The following TCAIM variants were observed in gnomAD, a reference collection of about 807,000 sequenced individuals.
The protein encoded by TCAIM is T cell activation inhibitor, mitochondrial.
In TCAIM, 36 loss-of-function variants were observed where a neutral mutation model predicts 58.6. The ratio of observed to expected loss-of-function variants is 0.61; its 90% CI spans 0.47 to 0.81. The LOEUF is 0.81. Ranked by LOEUF, TCAIM falls within the 30% of genes least tolerant of loss-of-function variation. The probability of loss-of-function intolerance (pLI) is 0.00; values close to 1 mark genes in which losing one functional copy is unlikely to be tolerated. For synonymous variants in TCAIM, 172 were observed against 193.6 expected (o/e 0.89, Z 0.93); for missense variants, 466 against 579.6 (o/e 0.80, Z 2.01).
chr3:44,368,143 AG>A (rs566214856), intron 5 of TCAIM, among the ~76,000 whole-genome samples: 42 of 152,340 alleles, frequency 2.8e-4, no homozygotes, highest in African/African-American at 1.0e-3. Context: ...TCCATACATA[AG>A]AAAAATACAT....
chr3:44,398,678 C>A (rs750961708), intron 8 of TCAIM, among the ~76,000 whole-genome samples: 5 of 152,186 alleles, frequency 3.3e-5, no homozygotes, highest in Non-Finnish European at 5.9e-5. Flanking sequence ...ACCCAGCAGT[C>A]ACCCTTGGGT....
chr3:44,361,588 C>A, intron 4 of TCAIM, 70 bp downstream of exon 4: 1 of 1,342,820 alleles, frequency 7.4e-7, no homozygotes, highest in Non-Finnish European at 9.8e-7. Context: ...TTTGACATTG[C>A]CAGAATACCT....
chr3:44,370,034 C>G (rs1701439338), intron 5 of TCAIM, among the ~76,000 whole-genome samples: 1 of 152,142 alleles, frequency 6.6e-6, no homozygotes, highest in Admixed American at 6.6e-5. Context: ...GTGAAAGATA[C>G]ATTGTCTTAA....
chr3:44,348,987 G>C (rs1187635149), intron 1 of TCAIM, among the ~76,000 whole-genome samples: 1 of 152,138 alleles, frequency 6.6e-6, no homozygotes, highest in Non-Finnish European at 1.5e-5. Context: ...CTGTAAGCTG[G>C]ACCAGGGGTG....
At chr3:44,364,344 T>C (rs576713720) in intron 4 of TCAIM, among the ~76,000 whole-genome samples, 84 of 152,182 alleles carry the variant, frequency 5.5e-4, no homozygotes, top group Middle Eastern at 3.4e-3. Flanking sequence ...TAAAGAGTTT[T>C]TACAAATTAA....
rs1231272592 is a variant in TCAIM, at chr3:44,409,313, A to G, written c.*1631A>G. On this transcript the variant is annotated 3_prime_UTR_variant, in exon 11 of 11. Transcript: ENST00000342649. ...GGGAGTGAAAAATTCCTTAAGTGTT[A>G]TATAAGAAAATATATTAGAAAATCA... 6.6e-6 allele frequency: 1 copy of G among 152,210 alleles called. No homozygotes were observed. Among genetic ancestry groups the G allele is most frequent in the Non-Finnish European group, 1.5e-5 (1 of 68,040 alleles). 9.4% of individuals were successfully genotyped at this position (152,210 alleles called of 1,614,324 possible).
At chr3:44,398,435 G>A (rs758228376) in intron 8 of TCAIM, among the ~76,000 whole-genome samples, 7 of 144,324 alleles carry the variant, frequency 4.9e-5, no homozygotes, top group Non-Finnish European at 1.1e-4. Flanking sequence ...GTCTCAAATA[G>A]ATACAAAGAT....
rs534011514 is a variant in TCAIM at position 44,377,660 on chromosome 3, A to G, written c.572+9952A>G. ...TCTCAATAGATTTCAAAAGATAAAT[A>G]TACAGAGTATCTTCTCTGACCAAAA... On this transcript the variant is annotated intron_variant, in intron 5 of 10. Coordinates refer to ENST00000342649, the MANE Select transcript of TCAIM (RefSeq NM_173826.4). 8.5e-5 allele frequency among the ~76,000 whole-genome samples: 13 copies of G among 152,342 alleles called. No homozygotes were observed. The South Asian group carries it at 2.7e-3, about 32-fold the overall frequency.
intron 10 of TCAIM, among the ~76,000 whole-genome samples, chr3:44,402,755 G>A (rs149862998): frequency 6.6e-6 from 1 of 152,226 alleles, no homozygotes; most frequent in East Asian, 1.9e-4. Context: ...CACCCTGGTA[G>A]CATAGGGGAC....
chr3:44,405,163 G>A lies in TCAIM; in HGVS notation c.1251-2279G>A, dbSNP rs76094013. On this transcript the variant is annotated intron_variant, in intron 10 of 10. Coordinates refer to ENST00000342649, the MANE Select transcript of TCAIM (RefSeq NM_173826.4). Reference sequence around the variant, plus strand: ...TAGTTCACAGTTCTTCTGTAGGGTGGTAATAACCCAGAGTAACCTGCACCT... The same window carrying A: ...TAGTTCACAGTTCTTCTGTAGGGTGATAATAACCCAGAGTAACCTGCACCT... Among the ~76,000 whole-genome samples the A allele has an allele frequency of 6.1e-3, 930 of 152,236 alleles. 8 individuals carry two copies. The highest frequency in any genetic ancestry group is 0.021 in the African/African-American group (866 of 41,550).
chr3:44,363,972 A>G (rs1020560870), intron 4 of TCAIM, among the ~76,000 whole-genome samples: 8 of 117,832 alleles, frequency 6.8e-5, no homozygotes, highest in Admixed American at 1.2e-4. Flanking sequence ...CTCTGTTGCC[A>G]GGTTGGAGTG....
At chr3:44,354,940 A>G in intron 2 of TCAIM, 129 bp downstream of exon 2, 1 of 1,112,924 alleles carries the variant, frequency 9.0e-7, no homozygotes, top group Non-Finnish European at 1.3e-6. Flanking sequence ...CTGGAACAAA[A>G]AGAAAGAAAA....
chr3:44,383,247 A>G (rs1026467991), intron 5 of TCAIM, among the ~76,000 whole-genome samples: 1 of 152,244 alleles, frequency 6.6e-6, no homozygotes, highest in East Asian at 1.9e-4. Flanking sequence ...AGATATTTGT[A>G]TACCCATGTT....
rs866641348 is a variant in TCAIM at position 44,394,190 on chromosome 3, T to A, written c.695+1213T>A. 9.8e-5 allele frequency among the ~76,000 whole-genome samples: 15 copies of A among 152,340 alleles called. No individual in the cohort carries two copies. In the South Asian group the frequency reaches 2.3e-3, roughly 23 times the overall value. On this transcript the variant is annotated intron_variant, in intron 6 of 10. Transcript: ENST00000342649. Reference sequence around the variant, plus strand: ...TCCTGTGTTTACAGAGTACAGATAGTATTTACATGTTCTGTTCTTGTATAA... The same window carrying A: ...TCCTGTGTTTACAGAGTACAGATAGAATTTACATGTTCTGTTCTTGTATAA...
intron 4 of TCAIM, chr3:44,362,444 C>G (rs1701308295): frequency 2.5e-6 from 1 of 400,812 alleles, no homozygotes; most frequent in South Asian, 1.3e-4. Flanking sequence ...GGAGGAAGAG[C>G]TTGATCTGAA....
intron 10 of TCAIM, among the ~76,000 whole-genome samples, chr3:44,404,239 C>G (rs1348498299): frequency 6.6e-6 from 1 of 152,098 alleles, no homozygotes; most frequent in Non-Finnish European, 1.5e-5. Flanking sequence ...CCCTCTCCAC[C>G]TCAGCTGGCC....
chr3:44,361,306 C>T, intron 3 of TCAIM, 59 bp from the exon 4 acceptor site: 1 of 1,423,308 alleles, frequency 7.0e-7, no homozygotes, highest in African/African-American at 1.4e-5. Context: ...AGATAGATAT[C>T]ATTTCTGATA....
At chr3:44,398,386 C>T (rs1055057522) in intron 8 of TCAIM, among the ~76,000 whole-genome samples, 6 of 151,960 alleles carry the variant, frequency 3.9e-5, no homozygotes, top group South Asian at 2.1e-4. Flanking sequence ...GCCGAGATTG[C>T]GCCACTGCAT....
At chr3:44,342,680 T>C (rs1700877900) in intron 1 of TCAIM, among the ~76,000 whole-genome samples, 1 of 152,020 alleles carries the variant, frequency 6.6e-6, no homozygotes, top group Non-Finnish European at 1.5e-5. Context: ...CCAGGAGATT[T>C]TTTTTCCTTA....
Sources: gnomAD v4.1 joint callset for allele counts (sites outside exome capture counted in the v4.1 genomes callset) on GRCh38, gnomAD v4.1.1 for gene constraint, MANE v1.5 for transcripts, NCBI Gene and HGNC (gene_info 2026-07-23, HGNC 2026-07-21) for gene names.